NOMO1: variants seen among roughly 807,000 people sequenced by gnomAD.
The protein encoded by NOMO1 is nodal modulator 3.
In NOMO1, 40 loss-of-function variants were observed where a neutral mutation model predicts 133.8. The ratio of observed to expected loss-of-function variants is 0.30; its 90% CI spans 0.23 to 0.39. The LOEUF (loss-of-function observed/expected upper bound fraction) is 0.39, where lower values mean the gene tolerates loss of function less well. Among genes scored for constraint, NOMO1 ranks in the 10% least tolerant of loss-of-function variants. NOMO1 has a pLI of 1.00. For synonymous variants in NOMO1, 236 were observed against 570.5 expected, an observed-to-expected ratio of 0.41 and a Z score of 8.36; for missense variants, 462 against 1,419.9, an observed-to-expected ratio of 0.33 and a Z score of 10.84.
intron 9 of NOMO1, among the ~76,000 whole-genome samples, chr16:14,855,859 T>C (rs892061438): frequency 6.6e-6 from 1 of 152,118 alleles, no homozygotes; most frequent in African/African-American, 2.4e-5. Flanking sequence ...GCAAAAATAT[T>C]TGTTGAGTAC....
rs757689140 is a variant in NOMO1 at position 14,846,668 on chromosome 16, C to T, written c.494C>T (p.Thr165Ile). ...GTEAKIQSTVTQPGGKFAFFK... is the reference protein window; with the variant it reads ...GTEAKIQSTVIQPGGKFAFFK... ...GAAGCAAAGATCCAGTCCACAGTTA[C>T]ACAGCCTGGCGGAAAGTGAGTAGCG... Residue 165 changes from threonine to isoleucine, a missense_variant, in exon 5 of 31, where the codon ACA becomes ATA. By Grantham distance (89) the Thr-to-Ile change is moderately conservative (BLOSUM62 -1). Coordinates refer to ENST00000287667, the MANE Select transcript of NOMO1 (RefSeq NM_014287.4). The T allele has an allele frequency of 6.3e-6, 8 of 1,262,396 alleles. No homozygotes were observed. The highest frequency in any genetic ancestry group is 9.0e-6 in the Non-Finnish European group (8 of 893,528). 78.2% of individuals were successfully genotyped at this position (1,262,396 alleles called of 1,614,324 possible). A position where few individuals can be genotyped will look rare whatever the true frequency, so the allele number is the denominator to read the frequency against.
intron 18 of NOMO1, among the ~76,000 whole-genome samples, chr16:14,874,388 G>A (rs1337948833): frequency 6.6e-6 from 1 of 151,894 alleles, no homozygotes; most frequent in Non-Finnish European, 1.5e-5. Context: ...TCTCTCCAAG[G>A]ACTTTGCACT....
At chr16:14,879,980 G>A (rs770375058) in intron 23 of NOMO1, 35 bp from the exon 24 acceptor site, 17 of 1,611,630 alleles carry the variant, frequency 1.1e-5, no homozygotes, top group Non-Finnish European at 1.4e-5. Flanking sequence ...ATGCCTAGAT[G>A]TGGCTGCTGA....
At chr16:14,886,987 C>T in intron 28 of NOMO1, 125 bp downstream of exon 28, 1 of 1,372,766 alleles carries the variant, frequency 7.3e-7, no homozygotes, top group Non-Finnish European at 1.0e-6. Context: ...CTCTCTGAAT[C>T]AAAAGAGGTT....
At chr16:14,859,751 C>T (rs1287046403) in intron 11 of NOMO1, among the ~76,000 whole-genome samples, 8 of 152,008 alleles carry the variant, frequency 5.3e-5, no homozygotes, top group South Asian at 2.1e-4. Flanking sequence ...TAAAAAAAGA[C>T]AAGACAAATA....
Position 14,894,903 on chromosome 16 carries a change from C to G in NOMO1, c.3445-95C>G, listed in dbSNP as rs538907030. The G allele has an allele frequency of 6.3e-6, 10 of 1,595,612 alleles. No homozygotes were observed. The South Asian group carries it at 8.9e-5, about 14-fold the overall frequency. ...GCCCCTGGGTGTCCTCAAGTGGCCA[C>G]TTTGGAAGGCTGGGTGGGTGGTGGC... On this transcript the variant is annotated intron_variant, in intron 29 of 30. Coordinates refer to ENST00000287667, the MANE Select transcript of NOMO1 (RefSeq NM_014287.4).
intron 1 of NOMO1, among the ~76,000 whole-genome samples, chr16:14,837,233 T>C (rs1030739822): frequency 6.6e-6 from 1 of 151,920 alleles, no homozygotes; most frequent in African/African-American, 2.4e-5. Context: ...CAGGCTGGTC[T>C]CCTGGGCTCA....
intron 27 of NOMO1, among the ~76,000 whole-genome samples, chr16:14,885,667 G>C (rs1964313456): frequency 6.6e-6 from 1 of 151,584 alleles, no homozygotes; most frequent in Non-Finnish European, 1.5e-5. Context: ...TAGGGTGGGG[G>C]GCAAACTGGG....
At chr16:14,839,042 GT>G (rs1200070866) in intron 2 of NOMO1, among the ~76,000 whole-genome samples, 6 of 151,528 alleles carry the variant, frequency 4.0e-5, no homozygotes, top group African/African-American at 1.5e-4. Context: ...CTGATAAAGG[GT>G]TTTTTTGTTG....
chr16:14,886,965 T>C, intron 28 of NOMO1, 103 bp downstream of exon 28: 2 of 1,471,836 alleles, frequency 1.4e-6, no homozygotes, highest in East Asian at 4.6e-5. Context: ...AATACCACTC[T>C]GCAGAAATAC....
At chr16:14,883,576 C>T (rs1322019442) in intron 26 of NOMO1, among the ~76,000 whole-genome samples, 1 of 151,810 alleles carries the variant, frequency 6.6e-6, no homozygotes. Context: ...AGGTGATCTG[C>T]TCGCTTCGGC....
intron 26 of NOMO1, among the ~76,000 whole-genome samples, chr16:14,883,980 A>G (rs1473621669): frequency 2.7e-5 from 4 of 150,338 alleles, no homozygotes; most frequent in Non-Finnish European, 5.9e-5. Context: ...AAACGTAGAA[A>G]AAAAATACTG....
intron 29 of NOMO1, among the ~76,000 whole-genome samples, chr16:14,891,071 T>TA (rs1964398902): frequency 7.6e-6 from 1 of 131,038 alleles, no homozygotes; most frequent in South Asian, 2.7e-4. Context: ...TTTTGATTGA[T>TA]ACGGCCACTT....
intron 29 of NOMO1, among the ~76,000 whole-genome samples, chr16:14,893,962 G>A (rs1282346111): frequency 6.6e-6 from 1 of 151,436 alleles, no homozygotes; most frequent in African/African-American, 2.4e-5. Context: ...GAACCTCTGC[G>A]AGAGGAGTCC....
chr16:14,867,167 TATATATATA>T (rs1186692377), intron 15 of NOMO1, among the ~76,000 whole-genome samples: 47 of 21,346 alleles, frequency 2.2e-3, no homozygotes, highest in Non-Finnish European at 5.3e-3. Flanking sequence ...TATATATATA[TATATATATA>T]TTTTTTTTTT....
Position 14,871,407 on chromosome 16 carries a change from GT to G in NOMO1, c.1895-213del, listed in dbSNP as rs2151004529. Among the ~76,000 whole-genome samples the G allele has an allele frequency of 1.3e-5, 2 of 152,214 alleles. 1 individual carries two copies. The highest frequency in any genetic ancestry group is 3.9e-4 in the East Asian group (2 of 5,190). On this transcript the variant is annotated intron_variant, in intron 16 of 30. Coordinates refer to ENST00000287667, the MANE Select transcript of NOMO1 (RefSeq NM_014287.4). ...TATGGAAAATGAAAATCATGCGCCTGTGATCGCGCCATTGCATGGATCGGGT... is the reference window on the plus strand; with the variant it reads ...TATGGAAAATGAAAATCATGCGCCTGGATCGCGCCATTGCATGGATCGGGT...
At chr16:14,881,466 T>G in intron 24 of NOMO1, 78 bp from the exon 25 acceptor site, 1 of 1,609,846 alleles carries the variant, frequency 6.2e-7, no homozygotes. Context: ...GCCCCATAAT[T>G]GTTGGTAAAC....
At chr16:14,866,421 A>G (rs1963995759) in intron 14 of NOMO1, 134 bp from the exon 15 acceptor site, 2 of 1,523,434 alleles carry the variant, frequency 1.3e-6, no homozygotes, top group Non-Finnish European at 1.8e-6. Context: ...ATGTATGTGT[A>G]TATTTCTATC....
intron 1 of NOMO1, among the ~76,000 whole-genome samples, chr16:14,837,630 G>A (rs911757451): frequency 6.6e-6 from 1 of 151,404 alleles, no homozygotes; most frequent in Non-Finnish European, 1.5e-5. Context: ...CTAGATGAAT[G>A]TTGCTCCAAG....
Sources: gnomAD v4.1 joint callset for allele counts (sites outside exome capture counted in the v4.1 genomes callset) on GRCh38, gnomAD v4.1.1 for gene constraint, MANE v1.5 for transcripts, NCBI Gene and HGNC (gene_info 2026-07-23, HGNC 2026-07-21) for gene names.